The following SPAG16 variants were observed in gnomAD, a reference collection of about 807,000 sequenced individuals.
The protein encoded by SPAG16 is sperm-associated antigen 16 protein.
Under a neutral mutation model 80.4 loss-of-function variants are expected in SPAG16, and 86 were observed. The ratio of observed to expected loss-of-function variants is 1.07; its 90% CI spans 0.90 to 1.28. The LOEUF (loss-of-function observed/expected upper bound fraction) is 1.28, where lower values mean the gene tolerates loss of function less well. Ranked by LOEUF, SPAG16 falls within the 50% of genes most tolerant of loss-of-function variation. The pLI is 0.00. For synonymous variants in SPAG16, 294 were observed against 265.9 expected, an observed-to-expected ratio of 1.11 and a Z score of -1.03; for missense variants, 870 against 765.3, an observed-to-expected ratio of 1.14 and a Z score of -1.61.
intron 10 of SPAG16, among the ~76,000 whole-genome samples, chr2:213,586,297 C>T (rs1052302969): frequency 2.6e-5 from 4 of 152,140 alleles, no homozygotes; most frequent in Non-Finnish European, 4.4e-5. Context: ...AGGATTGGAC[C>T]ATGAGCAAGG....
chr2:213,662,556 T>C (rs2063465347), intron 10 of SPAG16, among the ~76,000 whole-genome samples: 1 of 152,132 alleles, frequency 6.6e-6, no homozygotes, highest in South Asian at 2.1e-4. Flanking sequence ...TTGCAGTATC[T>C]AATAGGAATA....
chr2:214,106,897 G>C (rs2053411952), intron 13 of SPAG16, among the ~76,000 whole-genome samples: 2 of 151,946 alleles, frequency 1.3e-5, no homozygotes, highest in South Asian at 2.1e-4. Context: ...TTCCTACCTG[G>C]AACACTTTTC....
intron 8 of SPAG16, among the ~76,000 whole-genome samples, chr2:213,370,912 A>G (rs899011529): frequency 2.6e-5 from 4 of 152,242 alleles, no homozygotes; most frequent in African/African-American, 9.6e-5. Flanking sequence ...TCTTTTAGTT[A>G]TGTATCCCAA....
At chr2:213,584,610 AGAAG>A (rs1317159865) in intron 10 of SPAG16, among the ~76,000 whole-genome samples, 1 of 151,822 alleles carries the variant, frequency 6.6e-6, no homozygotes, top group Non-Finnish European at 1.5e-5. Flanking sequence ...AAGGAAGGAA[AGAAG>A]GAAGGAGGGA....
intron 9 of SPAG16, among the ~76,000 whole-genome samples, chr2:213,419,073 A>C (rs1304863186): frequency 6.6e-6 from 1 of 152,206 alleles, no homozygotes; most frequent in African/African-American, 2.4e-5. Context: ...TGGGAATAAA[A>C]GGGGTAAACT....
At chr2:213,370,669 A>G (rs1376058782) in intron 8 of SPAG16, among the ~76,000 whole-genome samples, 1 of 152,224 alleles carries the variant, frequency 6.6e-6, no homozygotes, top group Non-Finnish European at 1.5e-5. Context: ...CTAATGGTTT[A>G]AATTTTATAT....
chr2:214,125,237 A>C (rs912412751), intron 14 of SPAG16, among the ~76,000 whole-genome samples: 1 of 151,482 alleles, frequency 6.6e-6, no homozygotes, highest in Non-Finnish European at 1.5e-5. Context: ...TTGATACTGG[A>C]ATTGGCTGCA....
intron 10 of SPAG16, among the ~76,000 whole-genome samples, chr2:213,703,450 A>T (rs746738994): frequency 6.6e-6 from 1 of 152,214 alleles, no homozygotes; most frequent in East Asian, 1.9e-4. Flanking sequence ...AAACTGTGAA[A>T]CAAACCCAGG....
intron 10 of SPAG16, among the ~76,000 whole-genome samples, chr2:213,758,605 C>G (rs2068474057): frequency 6.6e-6 from 1 of 151,960 alleles, no homozygotes. Context: ...GCAAAGGAAA[C>G]AGTCAGTAAA....
intron 10 of SPAG16, among the ~76,000 whole-genome samples, chr2:213,578,838 T>A (rs985114447): frequency 5.3e-5 from 8 of 150,284 alleles, no homozygotes; most frequent in Admixed American, 1.3e-4. Flanking sequence ...TCCTTGTAAA[T>A]TTTTTTTTTA....
intron 15 of SPAG16, among the ~76,000 whole-genome samples, chr2:214,364,351 CT>C (rs1272153247): frequency 1.6e-4 from 25 of 152,246 alleles, no homozygotes; most frequent in Admixed American, 1.0e-3. Context: ...GTCACGCTTT[CT>C]CCTTAAAATG....
intron 10 of SPAG16, among the ~76,000 whole-genome samples, chr2:213,778,298 T>C (rs2069726980): frequency 2.0e-5 from 3 of 152,288 alleles, no homozygotes; most frequent in East Asian, 3.9e-4. Flanking sequence ...AAGTCATACC[T>C]AGACTTTTTT....
chr2:213,554,748 GA>G (rs906918761), intron 10 of SPAG16, among the ~76,000 whole-genome samples: 9 of 148,856 alleles, frequency 6.0e-5, no homozygotes, highest in African/African-American at 1.5e-4. Context: ...TAGTCAAGCA[GA>G]AAAAAAAATC....
At chr2:214,185,939 CA>C (rs1164713708) in intron 15 of SPAG16, among the ~76,000 whole-genome samples, 1 of 152,096 alleles carries the variant, frequency 6.6e-6, no homozygotes, top group Non-Finnish European at 1.5e-5. Flanking sequence ...TAACTGTTAG[CA>C]ACCTATCTCC....
At chr2:214,379,751 G>A (rs1024889121) in intron 15 of SPAG16, among the ~76,000 whole-genome samples, 1 of 152,188 alleles carries the variant, frequency 6.6e-6, no homozygotes, top group South Asian at 2.1e-4. Context: ...CAGTCACATT[G>A]ATCATCAGAA....
At chr2:213,727,048 T>A (rs2066799152) in intron 10 of SPAG16, among the ~76,000 whole-genome samples, 1 of 152,174 alleles carries the variant, frequency 6.6e-6, no homozygotes, top group South Asian at 2.1e-4. Context: ...TTGATAATAA[T>A]CTAATATTAT....
chr2:213,776,957 A>T (rs921885038), intron 10 of SPAG16, among the ~76,000 whole-genome samples: 2 of 151,918 alleles, frequency 1.3e-5, no homozygotes, highest in African/African-American at 4.8e-5. Context: ...AGTGGAAAAA[A>T]AGGTAAACTT....
intron 15 of SPAG16, chr2:214,281,036 C>T (rs553626509): frequency 7.1e-5 from 29 of 406,044 alleles, no homozygotes; most frequent in African/African-American, 3.1e-4. Flanking sequence ...TCCCTCAGGG[C>T]GCCAGAAACT....
At chr2:213,365,901 G>C (rs1238089932) in intron 8 of SPAG16, among the ~76,000 whole-genome samples, 2 of 151,670 alleles carry the variant, frequency 1.3e-5, no homozygotes, top group Admixed American at 1.3e-4. Flanking sequence ...CCAGCACTTT[G>C]GGAGGCTGAG....
Sources: allele counts gnomAD v4.1 joint callset (sites outside exome capture counted in the v4.1 genomes callset), GRCh38; gene constraint gnomAD v4.1.1; transcripts MANE v1.5; gene names NCBI Gene and HGNC (gene_info 2026-07-23, HGNC 2026-07-21).